IL16: variants seen among roughly 807,000 people sequenced by gnomAD.
The protein encoded by IL16 is pro-interleukin-16.
IL16 carries 67 observed loss-of-function variants against 110.1 expected under a neutral mutation model. The observed-to-expected ratio is 0.61, with a 90% confidence interval of 0.50 to 0.75. The LOEUF (loss-of-function observed/expected upper bound fraction) is 0.75. Ranked by LOEUF, IL16 falls within the 30% of genes least tolerant of loss-of-function variation. IL16 has a pLI of 0.00. For synonymous variants in IL16, 689 were observed against 662.9 expected, an observed-to-expected ratio of 1.04 and a Z score of -0.61; for missense variants, 1,545 against 1,655.0, an observed-to-expected ratio of 0.93 and a Z score of 1.15.
rs940206657 is a variant in IL16 at position 81,300,194 on chromosome 15, G to T, written c.2868G>T (p.Val956=). 7 of 1,614,082 alleles carry T rather than the reference G, an allele frequency of 4.3e-6. No individual in the cohort carries two copies. Among genetic ancestry groups the T allele is most frequent in the Non-Finnish European group, 5.9e-6 (7 of 1,180,050 alleles). The stretch of plus-strand genomic sequence containing the variant: ...AGGCTGAGGAATCTCAAGGCCCAGT[G>T]CTCAAGATGCCTAGCCAGCGAGCAC... ...STQAEESQGP[V]LKMPSQRARS... is the part of the protein sequence containing the mutation. Residue 956 remains valine, a synonymous_variant, in exon 14 of 19, where the codon GTG becomes GTT. Coordinates refer to ENST00000683961, the MANE Select transcript of IL16 (RefSeq NM_172217.5).
At position 81,229,009 on chromosome 15, in the gene IL16, A is replaced by G. The variant is rs116250542; in HGVS notation, c.312+3298A>G. Among the ~76,000 whole-genome samples, 1,219 of 152,334 alleles carry G rather than the reference A, an allele frequency of 8.0e-3. 17 individuals are homozygous for G. Among genetic ancestry groups the G allele is most frequent in the African/African-American group, 0.028 (1,172 of 41,570 alleles). ...AAATTCACCTAAAACAGAACAATGC[A>G]TGTAGTAATTGCTTGATAAATATGA... On this transcript the variant is annotated intron_variant, in intron 2 of 18. Transcript: ENST00000683961.
intron 1 of IL16, among the ~76,000 whole-genome samples, chr15:81,218,178 G>A (rs145962380): frequency 6.6e-6 from 1 of 151,998 alleles, no homozygotes; most frequent in Non-Finnish European, 1.5e-5. Flanking sequence ...TGCAAGTTAT[G>A]AAGTAAATAT....
chr15:81,199,694 C>G (rs187498953), intron 1 of IL16, among the ~76,000 whole-genome samples: 100 of 152,262 alleles, frequency 6.6e-4, no homozygotes, highest in African/African-American at 2.3e-3. Context: ...TTCAAGGCTC[C>G]CCTGAGAACT....
In IL16 at chr15:81,183,299, C is replaced by G. The variant is rs2141902593; in HGVS notation, c.40+403C>G. ...GCTGTCAGGGTCCCCACCAGTTCCG[C>G]TCCAGTTTCAGCAGAAGCAGAACAG... On this transcript the variant is annotated intron_variant, in intron 1 of 18. Coordinates refer to the IL16 transcript ENST00000302987. Among the ~76,000 whole-genome samples the G allele has an allele frequency of 2.0e-5, 3 of 152,312 alleles. No homozygotes were observed. The Middle Eastern group carries it at 0.01, about 518-fold the overall frequency.
intron 1 of IL16, among the ~76,000 whole-genome samples, chr15:81,224,444 T>G (rs1896721458): frequency 6.6e-6 from 1 of 152,212 alleles, no homozygotes; most frequent in African/African-American, 2.4e-5. Context: ...TGAGCCAGGA[T>G]GTTGGCCTGA....
At chr15:81,304,062 T>C (rs1441978368) in intron 16 of IL16, among the ~76,000 whole-genome samples, 4 of 152,184 alleles carry the variant, frequency 2.6e-5, no homozygotes, top group Non-Finnish European at 1.5e-5. Context: ...CTGGGCTCAT[T>C]TGAATTTCCA....
In IL16 at chr15:81,314,018, A is replaced by T. The variant is rs1458960832; in HGVS notation, c.*5220A>T. The stretch of plus-strand genomic sequence containing the variant: ...CTCTTTTCACAGTATTTTTTGTTTT[A>T]AAAAAATAGTTTTTTAAAATAAAAA... On this transcript the variant is annotated 3_prime_UTR_variant, in exon 19 of 19. Transcript: ENST00000683961. 1.3e-5 allele frequency: 2 copies of T among 152,152 alleles called. No individual in the cohort carries two copies. The highest frequency in any genetic ancestry group is 4.8e-5 in the African/African-American group (2 of 41,438). The allele number at this position is 152,152 out of a possible 1,614,324, so 9.4% of individuals were successfully genotyped here.
chr15:81,212,138 T>C (rs1052621107), intron 1 of IL16, among the ~76,000 whole-genome samples: 4 of 152,206 alleles, frequency 2.6e-5, no homozygotes, highest in African/African-American at 9.6e-5. Context: ...GGCTTTTTTT[T>C]TTGGTTGACA....
chr15:81,280,217 C>CT (rs1224390157), intron 8 of IL16, among the ~76,000 whole-genome samples: 13 of 152,112 alleles, frequency 8.5e-5, no homozygotes, highest in Non-Finnish European at 8.8e-5. Context: ...GCCACCCCCC[C>CT]AGGTGGGGGC....
intron 2 of IL16, among the ~76,000 whole-genome samples, chr15:81,257,695 C>G (rs537392941): frequency 4.9e-4 from 74 of 152,140 alleles, no homozygotes; most frequent in Non-Finnish European, 5.1e-4. Context: ...GGAAAATGCA[C>G]CAGGTGCTGG....
At chr15:81,224,072 C>T (rs1005558656) in intron 1 of IL16, among the ~76,000 whole-genome samples, 6 of 152,140 alleles carry the variant, frequency 3.9e-5, no homozygotes, top group Non-Finnish European at 7.4e-5. Flanking sequence ...CTATTGATTA[C>T]TGGGATGGTT....
chr15:81,195,772 T>G (rs548661746), upstream of IL16, among the ~76,000 whole-genome samples: 9 of 152,306 alleles, frequency 5.9e-5, no homozygotes, highest in East Asian at 1.7e-3. Context: ...CAGCCTAGCA[T>G]GTACACAGGG....
intron 9 of IL16, 126 bp downstream of exon 9, chr15:81,282,882 C>A: frequency 1.2e-6 from 1 of 800,098 alleles, no homozygotes; most frequent in Non-Finnish European, 2.1e-6. Flanking sequence ...AGATCAGCCG[C>A]TCCGCCCGCC....
chr15:81,263,362 T>TG (rs1244385435), intron 3 of IL16, among the ~76,000 whole-genome samples: 10 of 151,562 alleles, frequency 6.6e-5, no homozygotes, highest in Admixed American at 3.9e-4. Context: ...TTTTGTTTTT[T>TG]TTTTTTTTGC....
chr15:81,188,412 T>G (rs1211251389), intron 1 of IL16: 3 of 456,300 alleles, frequency 6.6e-6, no homozygotes, highest in Non-Finnish European at 8.8e-6. Context: ...TGGTACGTGT[T>G]GAACGTCCAC....
At chr15:81,279,169 T>G (rs1899051355) in intron 7 of IL16, among the ~76,000 whole-genome samples, 1 of 152,244 alleles carries the variant, frequency 6.6e-6, no homozygotes, top group Non-Finnish European at 1.5e-5. Flanking sequence ...TGTTTTAAGT[T>G]TTTAAGATAA....
chr15:81,225,187 C>G, intron 1 of IL16, 112 bp from the exon 2 acceptor site: 1 of 820,600 alleles, frequency 1.2e-6, no homozygotes, highest in Non-Finnish European at 1.8e-6. Flanking sequence ...ATCTGCCCAT[C>G]TGTCCTGCTT....
intron 1 of IL16, among the ~76,000 whole-genome samples, chr15:81,221,910 GCA>G (rs1342610289): frequency 3.9e-5 from 6 of 152,164 alleles, no homozygotes; most frequent in Non-Finnish European, 7.3e-5. Flanking sequence ...ATTGGGATTA[GCA>G]CAGTTTCCAC....
At chr15:81,182,947 GGAGGGGTGGACCCTTCCT>G (rs1895365659) in intron 1 of IL16, 3 of 1,185,506 alleles carry the variant, frequency 2.5e-6, no homozygotes, top group Non-Finnish European at 3.4e-6. Flanking sequence ...AGGTTGGAAT[GGAGGGGTGGACCCTTCCT>G]GACATCCTCC....
Sources: allele counts gnomAD v4.1 joint callset (sites outside exome capture counted in the v4.1 genomes callset), GRCh38; gene constraint gnomAD v4.1.1; transcripts MANE v1.5; gene names NCBI Gene and HGNC (gene_info 2026-07-23, HGNC 2026-07-21).